The following ZNF208 variants were observed in gnomAD, a reference collection of about 807,000 sequenced individuals.
ZNF208 encodes zinc finger protein 95.
ZNF208 carries 10 observed loss-of-function variants against 12.1 expected under a neutral mutation model. The ratio of observed to expected loss-of-function variants is 0.83; its 90% CI spans 0.51 to 1.40. ZNF208 has a LOEUF of 1.40. Ranked by LOEUF, ZNF208 falls within the 40% of genes most tolerant of loss-of-function variation. ZNF208 has a pLI of 0.00. For missense variants in ZNF208, 1,652 were observed against 1,485.0 expected (o/e 1.11, Z -1.85); for synonymous variants, 497 against 488.4 (o/e 1.02, Z -0.23).
intron 4 of ZNF208, among the ~76,000 whole-genome samples, chr19:21,954,364 G>A (rs568156707): frequency 7.2e-5 from 11 of 152,236 alleles, no homozygotes; most frequent in African/African-American, 2.6e-4. Flanking sequence ...TTGTTGCAGA[G>A]GTGAGTTCAA....
Position 21,973,857 on chromosome 19 carries a change from C to T in ZNF208, c.1177G>A (p.Gly393Arg). 1 of 1,613,420 alleles carries T rather than the reference C, an allele frequency of 6.2e-7. No individual in the cohort carries two copies. The highest frequency in any genetic ancestry group is 8.5e-7 in the Non-Finnish European group (1 of 1,179,850). ...TCTTCACATTTGTAGGGTTTCTCTC[C>T]AGTATGAATTTTCTTATGATAACTA... ...TLSYHKKIHT[G>R]EKPYKCEECG... Residue 393 changes from glycine (G) to arginine (R), a missense_variant, in exon 4 of 4, where the codon GGA becomes AGA. Physicochemically the swap from Gly to Arg is moderately radical, Grantham distance 125 (BLOSUM62 -2). Transcript: ENST00000397126.
At chr19:22,006,437 T>G (rs73017852) in intron 1 of ZNF208, among the ~76,000 whole-genome samples, 29,528 of 151,918 alleles carry the variant, frequency 0.19, 3,353 homozygotes, top group African/African-American at 0.3. Flanking sequence ...ACAGTAACAA[T>G]TTACTGTTTA....
intron 4 of ZNF208, among the ~76,000 whole-genome samples, chr19:21,959,721 T>C (rs1411972445): frequency 2.0e-5 from 3 of 152,180 alleles, no homozygotes; most frequent in Non-Finnish European, 4.4e-5. Context: ...ATGCATAGCA[T>C]AACTATTGCA....
At chr19:21,960,852 C>T (rs548343942) in intron 4 of ZNF208, among the ~76,000 whole-genome samples, 6 of 152,230 alleles carry the variant, frequency 3.9e-5, no homozygotes, top group African/African-American at 7.2e-5. Context: ...GAAAGCCAAG[C>T]GTTTGGAGAG....
chr19:21,988,177 G>T (rs1970658955), intron 2 of ZNF208, among the ~76,000 whole-genome samples: 1 of 151,950 alleles, frequency 6.6e-6, no homozygotes, highest in Non-Finnish European at 1.5e-5. Context: ...CAAGAATGTG[G>T]TAAGTTCAGG....
rs1241932028 is a variant in ZNF208, at chr19:21,966,476, T to G, written c.*4715A>C. 1.3e-5 allele frequency: 2 copies of G among 152,144 alleles called. No homozygotes were observed. The highest frequency in any genetic ancestry group is 2.9e-5 in the Non-Finnish European group (2 of 68,010). 9.4% of individuals were successfully genotyped at this position (152,144 alleles called of 1,614,324 possible). ...TTGCTGCATAGTATTGGAGGTTGTA[T>G]AAGTACATCATTTTTCTTATCCAAT... is the stretch of plus-strand genomic sequence containing the variant. On this transcript the variant is annotated 3_prime_UTR_variant, in exon 4 of 4. Transcript: ENST00000397126.
rs767845331 is a variant in ZNF208, at chr19:21,971,239, T to A, written c.3795A>T (p.Leu1265Phe). ...CEECGKAFSW[L>F]SVFSKHKKIH... ...TTTTCTTATGTTTACTGAAGACTGATAACCAGCTGAAGGCTTTGCCACATT... is the reference window on the plus strand; with the variant it reads ...TTTTCTTATGTTTACTGAAGACTGAAAACCAGCTGAAGGCTTTGCCACATT... Residue 1265 changes from leucine (L) to phenylalanine (F), a missense_variant, in exon 4 of 4, where the codon TTA becomes TTT. Leu to Phe is a conservative substitution (Grantham distance 22). Coordinates refer to ENST00000397126, the MANE Select transcript of ZNF208 (RefSeq NM_007153.3). The A allele has an allele frequency of 6.2e-7, 1 of 1,605,294 alleles. No homozygotes were observed. Among genetic ancestry groups the A allele is most frequent in the Non-Finnish European group, 8.5e-7 (1 of 1,177,440 alleles).
Position 21,983,163 on chromosome 19 carries a change from A to G in ZNF208, c.226+4053T>C, listed in dbSNP as rs1970574222. ...ATCTACAAAGAACTTAAACAAATTT[A>G]CAAGAAAAAAAAACCATCAAAAAGT... is the stretch of plus-strand genomic sequence containing the variant. On this transcript the variant is annotated intron_variant, in intron 3 of 3. Coordinates refer to ENST00000397126, the MANE Select transcript of ZNF208 (RefSeq NM_007153.3). Among the ~76,000 whole-genome samples, 5 of 100,996 alleles carry G rather than the reference A, an allele frequency of 5.0e-5. No homozygotes were observed. The South Asian group carries it at 9.9e-4, about 20-fold the overall frequency. The allele number at this position is 100,996 out of a possible 152,430, so 66.3% of individuals were successfully genotyped here.
intron 3 of ZNF208, among the ~76,000 whole-genome samples, chr19:21,979,522 A>G (rs1321540904): frequency 6.6e-6 from 1 of 152,212 alleles, no homozygotes; most frequent in Non-Finnish European, 1.5e-5. Flanking sequence ...ACAGATAAGC[A>G]AATGCTGAGA....
chr19:21,951,498 AAATT>A (rs1969887103), intron 4 of ZNF208, among the ~76,000 whole-genome samples: 3 of 152,252 alleles, frequency 2.0e-5, no homozygotes. Flanking sequence ...AAATACCAAA[AAATT>A]AATTTTGCAA....
rs1291649888 is a variant in ZNF208 at position 21,966,123 on chromosome 19, AT to A, written c.*5067del. 2 of 152,054 alleles carry A rather than the reference AT, an allele frequency of 1.3e-5. No individual in the cohort carries two copies. The highest frequency in any genetic ancestry group is 2.9e-5 in the Non-Finnish European group (2 of 67,974). The allele number at this position is 152,054 out of a possible 1,614,324, so 9.4% of individuals were successfully genotyped here. A position where few individuals can be genotyped will look rare whatever the true frequency, so the allele number is the denominator to read the frequency against. ...TACCAAAAAACATTTTATTATTTTT[AT>A]TTTATATTTAAGGTACATGTGCAGA... is the stretch of plus-strand genomic sequence containing the variant. On this transcript the variant is annotated 3_prime_UTR_variant, in exon 4 of 4. Coordinates refer to ENST00000397126, the MANE Select transcript of ZNF208 (RefSeq NM_007153.3).
At chr19:21,977,368 T>A (rs73017826) in intron 3 of ZNF208, among the ~76,000 whole-genome samples, 183 of 152,330 alleles carry the variant, frequency 1.2e-3, no homozygotes, top group Non-Finnish European at 2.2e-3. Context: ...CGTTTCCAAC[T>A]GAGGTACTGG....
intron 3 of ZNF208, among the ~76,000 whole-genome samples, chr19:21,985,065 TCA>T (rs1332492623): frequency 2.0e-5 from 3 of 152,166 alleles, no homozygotes; most frequent in East Asian, 1.9e-4. Flanking sequence ...GGAATATCAC[TCA>T]GTTTTAAAAA....
At chr19:21,957,821 A>AATTTT (rs1205719785) in intron 4 of ZNF208, among the ~76,000 whole-genome samples, 3 of 150,882 alleles carry the variant, frequency 2.0e-5, no homozygotes, top group Admixed American at 6.6e-5. Context: ...CTTTTTTTTA[A>AATTTT]ATTTTATTTT....
chr19:21,954,992 G>C (rs1004652679), intron 4 of ZNF208, among the ~76,000 whole-genome samples: 41 of 152,154 alleles, frequency 2.7e-4, no homozygotes, highest in African/African-American at 9.7e-4. Flanking sequence ...TTTATGTTTA[G>C]TGCTTCCTTC....
At chr19:21,990,283 G>T (rs1304155210) in intron 1 of ZNF208, among the ~76,000 whole-genome samples, 1 of 152,126 alleles carries the variant, frequency 6.6e-6, no homozygotes, top group Non-Finnish European at 1.5e-5. Context: ...AAGGGATCCA[G>T]TTTCAGCTTT....
At chr19:21,991,740 CAA>C (rs555662605) in intron 1 of ZNF208, 19 of 73,776 alleles carry the variant, frequency 2.6e-4, no homozygotes, top group Admixed American at 3.1e-4. Flanking sequence ...AACTCCATCT[CAA>C]AAAAAAAAAA....
intron 1 of ZNF208, among the ~76,000 whole-genome samples, chr19:21,995,903 G>T (rs1046078429): frequency 1.3e-5 from 2 of 152,178 alleles, no homozygotes; most frequent in African/African-American, 4.8e-5. Flanking sequence ...AAATGTCTAT[G>T]TTGATATCTC....
intron 4 of ZNF208, among the ~76,000 whole-genome samples, chr19:21,942,579 C>T (rs1599599103): frequency 1.3e-5 from 2 of 152,160 alleles, no homozygotes; most frequent in Non-Finnish European, 2.9e-5. Context: ...TTAACCTGCT[C>T]AACCTGTTAA....
Sources: gnomAD v4.1 joint callset for allele counts (sites outside exome capture counted in the v4.1 genomes callset) on GRCh38, gnomAD v4.1.1 for gene constraint, MANE v1.5 for transcripts, NCBI Gene and HGNC (gene_info 2026-07-23, HGNC 2026-07-21) for gene names.